DDAH1: variants seen among roughly 807,000 people sequenced by gnomAD.
The protein encoded by DDAH1 is dimethylarginine dimethylaminohydrolase 1, also known as N(G),N(G)-dimethylarginine dimethylaminohydrolase 1.
A neutral mutation model predicts 28.8 loss-of-function variants in DDAH1; 19 were observed. The observed-to-expected ratio is 0.66, with a 90% confidence interval of 0.46 to 0.97. DDAH1 has a LOEUF of 0.97. Among genes scored for constraint, DDAH1 ranks in the 50% least tolerant of loss-of-function variants. The pLI is 0.00. For synonymous variants in DDAH1, 153 were observed against 154.4 expected (o/e 0.99, Z 0.07); for missense variants, 326 against 375.9 (o/e 0.87, Z 1.10).
chr1:85,324,194 C>G (rs894554189), intron 5 of DDAH1, among the ~76,000 whole-genome samples: 2 of 151,106 alleles, frequency 1.3e-5, no homozygotes, highest in Non-Finnish European at 2.9e-5. Flanking sequence ...TCTCTTGAGC[C>G]CGGGAGGTGG....
chr1:85,526,400 G>C (rs1382423842), intron 1 of DDAH1, among the ~76,000 whole-genome samples: 1 of 152,150 alleles, frequency 6.6e-6, no homozygotes, highest in Admixed American at 6.6e-5. Context: ...GCTGAATATA[G>C]AGCACCTCTA....
chr1:85,508,067 G>A (rs918247681), intron 1 of DDAH1, among the ~76,000 whole-genome samples: 15 of 152,116 alleles, frequency 9.9e-5, no homozygotes, highest in Non-Finnish European at 1.9e-4. Context: ...TGATTCTAAG[G>A]TCAATCACTT....
In DDAH1 at chr1:85,339,062, AAT is replaced by A. The variant is rs1553123153; in HGVS notation, c.597+11351_597+11352del. Among the ~76,000 whole-genome samples, 507 of 133,744 alleles carry A rather than the reference AAT, an allele frequency of 3.8e-3. 30 individuals carry two copies. The highest frequency in any genetic ancestry group is 0.015 in the Middle Eastern group (4 of 270). The allele number at this position is 133,744 out of a possible 152,430, so 87.7% of individuals were successfully genotyped here. On this transcript the variant is annotated intron_variant, in intron 4 of 5. Transcript: ENST00000284031. ...ACTCCGTCTCAAAAAAAAAAAAAAAAATATATATATATATGATCTTCACACCT... is the reference window on the plus strand; with the variant it reads ...ACTCCGTCTCAAAAAAAAAAAAAAAAATATATATATATGATCTTCACACCT...
chr1:85,473,666 C>G (rs1461153732), intron 2 of DDAH1, among the ~76,000 whole-genome samples: 1 of 152,122 alleles, frequency 6.6e-6, no homozygotes, highest in East Asian at 1.9e-4. Flanking sequence ...TTGGTATACA[C>G]ATGTCCAAAG....
At chr1:85,574,887 C>A (rs776197129) in intron 1 of DDAH1, among the ~76,000 whole-genome samples, 3,076 of 151,510 alleles carry the variant, frequency 0.02, 73 homozygotes, top group East Asian at 0.083. Context: ...CTCTCTCTCT[C>A]TCTCTATATA....
chr1:85,456,521 G>T (rs930513945), intron 1 of DDAH1, among the ~76,000 whole-genome samples: 8 of 152,156 alleles, frequency 5.3e-5, no homozygotes, highest in Non-Finnish European at 1.0e-4. Context: ...AATTACATGA[G>T]ATATTCAATA....
intron 1 of DDAH1, among the ~76,000 whole-genome samples, chr1:85,381,994 A>G (rs1241555617): frequency 6.6e-6 from 1 of 152,166 alleles, no homozygotes; most frequent in Non-Finnish European, 1.5e-5. Context: ...AATTAGGCCA[A>G]TTAATATCCT....
chr1:85,410,174 G>A (rs998785751), intron 1 of DDAH1, among the ~76,000 whole-genome samples: 3 of 152,184 alleles, frequency 2.0e-5, no homozygotes, highest in South Asian at 2.1e-4. Context: ...CCAGCTACAC[G>A]GGAGGCCGAG....
chr1:85,513,409 C>A (rs936609024), intron 1 of DDAH1, among the ~76,000 whole-genome samples: 9 of 152,146 alleles, frequency 5.9e-5, no homozygotes, highest in African/African-American at 2.2e-4. Context: ...TAGAAGAAAA[C>A]CTAGGCAATA....
At chr1:85,469,606 G>A (rs969082828), upstream of DDAH1, among the ~76,000 whole-genome samples, 10 of 152,232 alleles carry the variant, frequency 6.6e-5, no homozygotes, top group South Asian at 6.2e-4. Context: ...ATTTCCTACC[G>A]AATGCCAAAA....
chr1:85,519,350 C>A (rs559308626), intron 1 of DDAH1, among the ~76,000 whole-genome samples: 2 of 152,192 alleles, frequency 1.3e-5, no homozygotes, highest in Admixed American at 1.3e-4. Context: ...CCCGCCGTGG[C>A]GTGAGCCACC....
intron 1 of DDAH1, among the ~76,000 whole-genome samples, chr1:85,548,420 C>T (rs1658690062): frequency 1.3e-5 from 2 of 152,140 alleles, no homozygotes; most frequent in Non-Finnish European, 2.9e-5. Flanking sequence ...AATTACCCAG[C>T]ATTAGGTCAC....
intron 1 of DDAH1, among the ~76,000 whole-genome samples, chr1:85,419,936 A>G (rs1653066123): frequency 6.6e-6 from 1 of 152,148 alleles, no homozygotes; most frequent in African/African-American, 2.4e-5. Flanking sequence ...AAAAATAACA[A>G]TTAGTCTGGG....
Position 85,430,764 on chromosome 1 carries a change from T to C in DDAH1, c.303+33979A>G, listed in dbSNP as rs570311955. The stretch of plus-strand genomic sequence containing the variant: ...TTTGTATCCTGAGACTTTGCTGAGG[T>C]TGCTTATCAGCTTAGGGAGATATTG... On this transcript the variant is annotated intron_variant, in intron 1 of 5. Transcript: ENST00000284031. 3.9e-5 allele frequency among the ~76,000 whole-genome samples: 6 copies of C among 152,342 alleles called. No homozygotes were observed. In the East Asian group the frequency reaches 1.2e-3, roughly 29 times the overall value.
At chr1:85,434,136 T>TA (rs1653827018) in intron 1 of DDAH1, among the ~76,000 whole-genome samples, 1 of 152,174 alleles carries the variant, frequency 6.6e-6, no homozygotes, top group Admixed American at 6.5e-5. Context: ...CAGCACATCT[T>TA]AAAATCACCT....
chr1:85,490,319 G>C (rs1656345664), intron 2 of DDAH1, among the ~76,000 whole-genome samples: 1 of 152,184 alleles, frequency 6.6e-6, no homozygotes, highest in Non-Finnish European at 1.5e-5. Context: ...GGAGAAATGT[G>C]AAATGAGTGG....
intron 1 of DDAH1, among the ~76,000 whole-genome samples, chr1:85,456,700 CG>C (rs1557652248): frequency 1.3e-5 from 2 of 152,116 alleles, no homozygotes; most frequent in African/African-American, 4.8e-5. Context: ...TACGTTTATC[CG>C]GATGTAATTC....
chr1:85,452,431 A>G (rs1275528873), intron 1 of DDAH1, among the ~76,000 whole-genome samples: 2 of 152,210 alleles, frequency 1.3e-5, no homozygotes, highest in Non-Finnish European at 2.9e-5. Context: ...AGATGCGTGC[A>G]TGTGTATAAA....
chr1:85,323,248 A>G (rs2100783755), intron 5 of DDAH1, among the ~76,000 whole-genome samples: 1 of 152,372 alleles, frequency 6.6e-6, no homozygotes, highest in African/African-American at 2.4e-5. Context: ...GACAAAAAAA[A>G]AAGATCAATG....
Sources: allele counts gnomAD v4.1 joint callset (sites outside exome capture counted in the v4.1 genomes callset), GRCh38; gene constraint gnomAD v4.1.1; transcripts MANE v1.5; gene names NCBI Gene and HGNC (gene_info 2026-07-23, HGNC 2026-07-21).